Variants in NTRK2 observed in about 807,000 individuals in gnomAD.
NTRK2 encodes neurotrophic receptor tyrosine kinase 2, also known as BDNF/NT-3 growth factors receptor.
A neutral mutation model predicts 94.5 loss-of-function variants in NTRK2; 13 were observed. That is an observed-to-expected ratio of 0.14 (90% CI 0.09 to 0.22). NTRK2 has a LOEUF of 0.22. Ranked by LOEUF, NTRK2 falls within the 10% of genes least tolerant of loss-of-function variation. The probability of loss-of-function intolerance (pLI) is 1.00; values close to 1 mark genes in which losing one functional copy is unlikely to be tolerated. For missense variants in NTRK2, 639 were observed against 1,071.2 expected, an observed-to-expected ratio of 0.60 and a Z score of 5.63; for synonymous variants, 372 against 407.4, an observed-to-expected ratio of 0.91 and a Z score of 1.05.
At chr9:84,876,785 G>A (rs1346302273) in intron 14 of NTRK2, 1 of 1,061,728 alleles carries the variant, frequency 9.4e-7, no homozygotes. Flanking sequence ...AGCTGCTTGA[G>A]CCTTATTTAG....
At chr9:84,902,922 A>G (rs1395577804) in intron 14 of NTRK2, among the ~76,000 whole-genome samples, 1 of 152,216 alleles carries the variant, frequency 6.6e-6, no homozygotes, top group African/African-American at 2.4e-5. Flanking sequence ...AAATGCAACA[A>G]TAATTGTCAA....
intron 14 of NTRK2, among the ~76,000 whole-genome samples, chr9:84,882,381 T>A (rs1355426888): frequency 6.6e-6 from 1 of 152,208 alleles, no homozygotes; most frequent in African/African-American, 2.4e-5. Context: ...GAGAGTATGA[T>A]TCCAAATGGT....
chr9:84,843,662 G>A (rs926504199), intron 12 of NTRK2, among the ~76,000 whole-genome samples: 1 of 152,186 alleles, frequency 6.6e-6, no homozygotes, highest in African/African-American at 2.4e-5. Flanking sequence ...GTCAGGGAGT[G>A]TTGCAACGCC....
intron 12 of NTRK2, among the ~76,000 whole-genome samples, chr9:84,769,951 C>T (rs2066378508): frequency 6.6e-6 from 1 of 152,148 alleles, no homozygotes; most frequent in East Asian, 1.9e-4. Flanking sequence ...GACACAGACA[C>T]GTTTCCACAG....
intron 12 of NTRK2, among the ~76,000 whole-genome samples, chr9:84,830,538 CGTGTGTGTGTGT>C (rs60042932): frequency 1.2e-4 from 18 of 145,920 alleles, no homozygotes; most frequent in Non-Finnish European, 1.4e-4. Context: ...AGCATGCATG[CGTGTGTGTGTGT>C]GTGTGTGTGT....
intron 17 of NTRK2, among the ~76,000 whole-genome samples, chr9:84,988,905 C>T (rs898164503): frequency 6.6e-6 from 1 of 152,228 alleles, no homozygotes; most frequent in Admixed American, 6.5e-5. Flanking sequence ...GCTTATCTGA[C>T]TACATCAAAT....
intron 14 of NTRK2, among the ~76,000 whole-genome samples, chr9:84,926,658 C>T (rs2077831721): frequency 1.3e-5 from 2 of 152,148 alleles, no homozygotes; most frequent in South Asian, 4.1e-4. Context: ...TCTCTTCTCC[C>T]CTCTTAAGTG....
At chr9:84,705,933 G>A (rs544883514) in intron 4 of NTRK2, among the ~76,000 whole-genome samples, 1 of 152,014 alleles carries the variant, frequency 6.6e-6, no homozygotes, top group South Asian at 2.1e-4. Context: ...GAGATTACAG[G>A]CAGGCGCCAC....
intron 2 of NTRK2, among the ~76,000 whole-genome samples, chr9:84,685,484 C>T (rs955794596): frequency 2.1e-4 from 32 of 152,020 alleles, no homozygotes; most frequent in Non-Finnish European, 4.6e-4. Flanking sequence ...GCTTGCCTAG[C>T]TCCCCTGCTT....
intron 14 of NTRK2, among the ~76,000 whole-genome samples, chr9:84,900,960 G>T (rs1440609094): frequency 6.6e-6 from 1 of 152,150 alleles, no homozygotes. Flanking sequence ...GGAGCCGGTT[G>T]TGCTAATAAA....
intron 18 of NTRK2, 65 bp downstream of exon 18, chr9:85,020,429 G>A (rs1832681849): frequency 6.3e-7 from 1 of 1,580,952 alleles, no homozygotes; most frequent in Non-Finnish European, 8.7e-7. Flanking sequence ...CATTGGCTGG[G>A]GCCTTGTTTT....
At chr9:84,717,760 T>C (rs1441237345) in intron 6 of NTRK2, among the ~76,000 whole-genome samples, 2 of 152,220 alleles carry the variant, frequency 1.3e-5, no homozygotes, top group Non-Finnish European at 2.9e-5. Flanking sequence ...TAGATTTAAA[T>C]GTATTTTACA....
At chr9:84,912,780 G>A (rs148727931) in intron 14 of NTRK2, among the ~76,000 whole-genome samples, 2,175 of 151,650 alleles carry the variant, frequency 0.014, 48 homozygotes, top group African/African-American at 0.049. Flanking sequence ...ACCACCCCCG[G>A]CTAATTTTTG....
chr9:84,681,640 C>T (rs922922461), intron 2 of NTRK2, among the ~76,000 whole-genome samples: 1 of 152,128 alleles, frequency 6.6e-6, no homozygotes, highest in African/African-American at 2.4e-5. Context: ...CATCTTTTGC[C>T]TAAAATGCTG....
chr9:84,993,382 A>G (rs1462511674), intron 17 of NTRK2, among the ~76,000 whole-genome samples: 1 of 152,062 alleles, frequency 6.6e-6, no homozygotes, highest in Non-Finnish European at 1.5e-5. Context: ...AGCTCCCATC[A>G]CCAGCATGCC....
At chr9:84,765,437 AGACAGT>A (rs2065938615) in intron 12 of NTRK2, among the ~76,000 whole-genome samples, 1 of 152,188 alleles carries the variant, frequency 6.6e-6, no homozygotes, top group African/African-American at 2.4e-5. Context: ...GTAGCATCAA[AGACAGT>A]GAGAGCTAGC....
chr9:84,797,082 G>C (rs1247502105), intron 12 of NTRK2, among the ~76,000 whole-genome samples: 2 of 152,068 alleles, frequency 1.3e-5, no homozygotes. Context: ...AATATACCCT[G>C]TTAAGTATAT....
intron 12 of NTRK2, among the ~76,000 whole-genome samples, chr9:84,800,136 C>T (rs1203267297): frequency 4.6e-5 from 7 of 152,130 alleles, no homozygotes; most frequent in Non-Finnish European, 1.5e-5. Context: ...AGGCACTCCT[C>T]TCGCCTTTGG....
At chr9:84,975,569 C>T (rs1246066634) in intron 17 of NTRK2, among the ~76,000 whole-genome samples, 5 of 152,174 alleles carry the variant, frequency 3.3e-5, no homozygotes, top group African/African-American at 1.2e-4. Flanking sequence ...GTGCTGATCC[C>T]ACTTGCAATG....
Sources: gnomAD v4.1 joint callset for allele counts (sites outside exome capture counted in the v4.1 genomes callset) on GRCh38, gnomAD v4.1.1 for gene constraint, MANE v1.5 for transcripts, NCBI Gene and HGNC (gene_info 2026-07-23, HGNC 2026-07-21) for gene names.